The following PCED1A variants were observed in gnomAD, a reference collection of about 807,000 sequenced individuals.
The protein encoded by PCED1A is PC-esterase domain containing 1A.
PCED1A carries 20 observed loss-of-function variants against 41.9 expected under a neutral mutation model. The ratio of observed to expected loss-of-function variants is 0.48; its 90% confidence interval spans 0.34 to 0.69. The LOEUF (loss-of-function observed/expected upper bound fraction) is 0.69, where lower values mean the gene tolerates loss of function less well. Ranked by LOEUF, PCED1A falls within the 30% of genes least tolerant of loss-of-function variation. PCED1A has a pLI of 0.01. For synonymous variants in PCED1A, 236 were observed against 241.3 expected, an observed-to-expected ratio of 0.98 and a Z score of 0.20; for missense variants, 498 against 602.1, an observed-to-expected ratio of 0.83 and a Z score of 1.81.
At chr20:2,839,148 T>C in intron 3 of PCED1A, 44 bp downstream of exon 3, 1 of 1,430,202 alleles carries the variant, frequency 7.0e-7, no homozygotes, top group Non-Finnish European at 9.3e-7. Flanking sequence ...CAGGCCAGGG[T>C]CTGTGCCCAC....
chr20:2,839,688 G>T, intron 2 of PCED1A, 101 bp downstream of exon 2: 2 of 1,524,186 alleles, frequency 1.3e-6, no homozygotes, highest in Non-Finnish European at 8.9e-7. Context: ...GAACAGACCA[G>T]AAGACAGACA....
chr20:2,838,633 AG>A lies in PCED1A; in HGVS notation c.556del (p.Leu186SerfsTer44), dbSNP rs755520684. 6.2e-7 allele frequency: 1 copy of A among 1,614,170 alleles called. No individual in the cohort carries two copies. The highest frequency in any genetic ancestry group is 8.5e-7 in the Non-Finnish European group (1 of 1,180,032). On this transcript the variant is annotated frameshift_variant, in exon 5 of 8. Transcript: ENST00000360652. LOFTEE classifies it high-confidence loss of function. The surrounding 1 kb of genome is among the most constrained non-coding windows in gnomAD (Gnocchi z 5.8). The stretch of plus-strand genomic sequence containing the variant: ...GAAACCCCCAGTGATACGTTCCCCG[AG>A]GGGCATCGCCATGTTCCACACCAGC... ...CLLVWNMAMP[L>X]GERITGGFLL...
At chr20:2,839,106 G>A (rs1408040173) in intron 3 of PCED1A, 24 bp from the exon 4 acceptor site, 9 of 879,206 alleles carry the variant, frequency 1.0e-5, no homozygotes, top group Non-Finnish European at 1.5e-5. Flanking sequence ...CCACCCTACT[G>A]GTCAGACCCA....
intron 6 of PCED1A, among the ~76,000 whole-genome samples, chr20:2,836,553 C>A (rs1244823319): frequency 1.3e-5 from 2 of 152,178 alleles, no homozygotes; most frequent in African/African-American, 4.8e-5. Flanking sequence ...CCCTCCAGAG[C>A]CTTCTTTGTT....
chr20:2,840,121 A>G lies in PCED1A; in HGVS notation c.-22+90T>C, dbSNP rs1388966778. The G allele has an allele frequency of 3.1e-5, 16 of 517,302 alleles. No individual in the cohort carries two copies. In the East Asian group the frequency reaches 5.4e-4, roughly 18 times the overall value. The allele number at this position is 517,302 out of a possible 1,614,324, so 32.0% of individuals were successfully genotyped here. ...CGTCCAGCCAGCAGGCCTCCAGGGC[A>G]CTGGGGAGCTTCCCGCGCGGCGCCG... On this transcript the variant is annotated intron_variant, in intron 1 of 7. Transcript: ENST00000360652.
upstream of PCED1A, chr20:2,841,122 G>A (rs1242104695): frequency 1.9e-5 from 9 of 483,876 alleles, no homozygotes; most frequent in Non-Finnish European, 3.3e-5. Context: ...GTGACAGCGA[G>A]TGCCCAGTCT....
chr20:2,840,702 C>T, upstream of PCED1A: 2 of 1,493,350 alleles, frequency 1.3e-6, no homozygotes, highest in Non-Finnish European at 1.8e-6. Flanking sequence ...CGGGCGGAAG[C>T]GGAAGTGCCG....
chr20:2,836,212 G>T lies in PCED1A; in HGVS notation c.944C>A (p.Pro315His). ...AGGCATGGGAGGAGGCAAAGAAGAA[G>T]GTGGGGGTGGGAGCAAGGCCAGGTG... ...GEHLALLPPP[P>H]SSLPPPMPFP... Residue 315 changes from proline (P) to histidine (H), a missense_variant, in exon 7 of 8, where the codon CCT becomes CAT. Coordinates refer to ENST00000360652, the MANE Select transcript of PCED1A (RefSeq NM_022760.6). 6.2e-7 allele frequency: 1 copy of T among 1,613,650 alleles called. No homozygotes were observed. The highest frequency in any genetic ancestry group is 8.5e-7 in the Non-Finnish European group (1 of 1,179,680).
chr20:2,837,318 C>G (rs989556663), intron 6 of PCED1A, among the ~76,000 whole-genome samples: 1 of 152,194 alleles, frequency 6.6e-6, no homozygotes, highest in African/African-American at 2.4e-5. Context: ...TCTGTGCCCC[C>G]ACATCCTCTT....
At chr20:2,836,814 A>C (rs1259620384) in intron 6 of PCED1A, among the ~76,000 whole-genome samples, 1 of 152,104 alleles carries the variant, frequency 6.6e-6, no homozygotes, top group African/African-American at 2.4e-5. Flanking sequence ...CTTCTTCTCA[A>C]CAGTCATGTG....
At position 2,838,982 on chromosome 20, in the gene PCED1A, C is replaced by A; in HGVS notation, c.305G>T (p.Gly102Val). The A allele has an allele frequency of 1.2e-6, 2 of 1,613,928 alleles. No homozygotes were observed. Among genetic ancestry groups the A allele is most frequent in the East Asian group, 2.2e-5 (1 of 44,866 alleles). ...QYREVRQFCS[G>V]SGHHLVRFYF... ...GAAGCGCACAAGGTGGTGGCCAGAGCCCGAGCAGAACTGGCGGACCTCACG... is the reference window on the plus strand; with the variant it reads ...GAAGCGCACAAGGTGGTGGCCAGAGACCGAGCAGAACTGGCGGACCTCACG... Residue 102 changes from glycine to valine, a missense_variant, in exon 4 of 8, where the codon GGC (glycine) becomes GTC (valine). Gly to Val is a moderately radical substitution (Grantham distance 109). This residue lies in a region of PCED1A where 253 missense variants were observed against 369.7 expected (regional missense o/e 0.68). Coordinates refer to ENST00000360652, the MANE Select transcript of PCED1A (RefSeq NM_022760.6). The surrounding 1 kb of genome is among the most constrained non-coding windows in gnomAD (Gnocchi z 5.8).
At chr20:2,837,632 G>C (rs188517839) in intron 6 of PCED1A, among the ~76,000 whole-genome samples, 612 of 152,250 alleles carry the variant, frequency 4.0e-3, no homozygotes, top group Non-Finnish European at 6.7e-3. Context: ...CAAAACAAGG[G>C]GGAGTGGGGC....
chr20:2,839,259 A>C lies in PCED1A; in HGVS notation c.137T>G (p.Val46Gly). Residue 46 changes from valine to glycine, a missense_variant, in exon 3 of 8, where the codon GTG becomes GGG. By Grantham distance (109) the Val-to-Gly change is moderately radical (BLOSUM62 -3). Around this residue, in one of 2 missense-constraint regions of PCED1A, gnomAD observed 253 missense variants for 369.7 expected, o/e 0.68. Transcript: ENST00000360652. Reference sequence around the variant, plus strand: ...GAGCAAGAGCACCAGGTCCTTGTACACAGCCCTCTGAACTGGGAGGAGACA... The same window carrying C: ...GAGCAAGAGCACCAGGTCCTTGTACCCAGCCCTCTGAACTGGGAGGAGACA... ...VILGDSIQRA[V>G]YKDLVLLLQK... 2 of 1,613,930 alleles carry C rather than the reference A, an allele frequency of 1.2e-6. No homozygotes were observed. The highest frequency in any genetic ancestry group is 2.2e-5 in the East Asian group (1 of 44,872).
In PCED1A at chr20:2,838,476, G is replaced by A; in HGVS notation, c.597C>T (p.Leu199=). The A allele has an allele frequency of 2.5e-6, 4 of 1,614,196 alleles. No individual in the cohort carries two copies. The highest frequency in any genetic ancestry group is 2.5e-6 in the Non-Finnish European group (3 of 1,180,038). The part of the protein sequence containing the change: ...RITGGFLLPE[L]QPLAGSLRRD... Reference sequence around the variant, plus strand: ...GCCGCAGGGAGCCTGCCAGGGGCTGGAGCTAAGTGAGAAAGTGCAGCCTCT... The same window carrying A: ...GCCGCAGGGAGCCTGCCAGGGGCTGAAGCTAAGTGAGAAAGTGCAGCCTCT... Residue 199 remains leucine, a splice_region_variant and synonymous_variant, in exon 6 of 8, where the codon CTC becomes CTT. Transcript: ENST00000360652. This position sits in a 1 kb window ranked among gnomAD's most constrained non-coding sequence, Gnocchi z 5.8.
chr20:2,839,089 AC>A lies in PCED1A; in HGVS notation c.205-8del, dbSNP rs768667049. 226 of 333,244 alleles carry A rather than the reference AC, an allele frequency of 6.8e-4. No individual in the cohort carries two copies. The highest frequency in any genetic ancestry group is 2.9e-3 in the African/African-American group (54 of 18,608). The allele number at this position is 333,244 out of a possible 1,614,324, so 20.6% of individuals were successfully genotyped here. A position where few individuals can be genotyped will look rare whatever the true frequency, so the allele number is the denominator to read the frequency against. ...GTTCAAAGCTCAGCTCCCCCTACCC[AC>A]CCCCCCCACCCTACTGGTCAGACCC... On this transcript the variant is annotated splice_region_variant and splice_polypyrimidine_tract_variant and intron_variant, in intron 3 of 7. Transcript: ENST00000360652.
rs200041365 is a variant in PCED1A, at chr20:2,838,496, G to C, written c.595-18C>G. ...GGCTGGAGCTAAGTGAGAAAGTGCA[G>C]CCTCTAAGAGCCACAGAACGCAGCA... On this transcript the variant is annotated intron_variant, in intron 5 of 7. Transcript: ENST00000360652. The surrounding 1 kb of genome is among the most constrained non-coding windows in gnomAD (Gnocchi z 5.8). 34 of 1,614,134 alleles carry C rather than the reference G, an allele frequency of 2.1e-5. No individual in the cohort carries two copies. In the East Asian group the frequency reaches 7.4e-4, roughly 35 times the overall value.
Position 2,839,863 on chromosome 20 carries a change from T to A in PCED1A, c.50A>T (p.Asp17Val). 6.2e-7 allele frequency: 1 copy of A among 1,614,150 alleles called. No homozygotes were observed. Residue 17 changes from aspartate (D) to valine (V), a missense_variant, in exon 2 of 8, where the codon GAC becomes GTC. By Grantham distance (152) the Asp-to-Val change is radical. Coordinates refer to ENST00000360652, the MANE Select transcript of PCED1A (RefSeq NM_022760.6). ...TTCCGAGGCCTGGAAGTGGACCATG[T>A]CGCTTCGCAGCGGGCGGCGCGGCTC... ...SEEPRRPLRS[D>V]MVHFQASEVQ...
At chr20:2,840,853 C>T (rs927573465), upstream of PCED1A, 1 of 1,542,234 alleles carries the variant, frequency 6.5e-7, no homozygotes, top group Non-Finnish European at 8.7e-7. Flanking sequence ...CTCCCGCCCA[C>T]GGCCTGGCTT....
chr20:2,840,616 G>C lies in PCED1A; in HGVS notation c.-427C>G, dbSNP rs2088951584. 1.3e-6 allele frequency: 1 copy of C among 773,076 alleles called. No homozygotes were observed. Among genetic ancestry groups the C allele is most frequent in the Non-Finnish European group, 2.1e-6 (1 of 467,150 alleles). 47.9% of individuals were successfully genotyped at this position (773,076 alleles called of 1,614,324 possible). A position where few individuals can be genotyped will look rare whatever the true frequency, so the allele number is the denominator to read the frequency against. ...GGCGCGAAGCCCAGGTACGGGCTGG[G>C]GTCTCGGGGCGGCAGCCAAGTGAGG... is the stretch of plus-strand genomic sequence containing the variant. On this transcript the variant is annotated 5_prime_UTR_variant, in exon 1 of 8. Transcript: ENST00000360652.
Sources: gnomAD v4.1 joint callset for allele counts (sites outside exome capture counted in the v4.1 genomes callset) on GRCh38, gnomAD v4.1.1 for gene constraint, gnomAD v4.1.1 regional missense constraint, Gnocchi (gnomAD v3.1) non-coding constraint, MANE v1.5 for transcripts, NCBI Gene and HGNC (gene_info 2026-07-23, HGNC 2026-07-21) for gene names.